INTS3: variants seen among roughly 807,000 people sequenced by gnomAD.
The protein encoded by INTS3 is SOSS complex subunit A.
In INTS3, 34 loss-of-function variants were observed where a neutral mutation model predicts 146.3. That is an observed-to-expected ratio of 0.23 (90% CI 0.18 to 0.31). INTS3 has a LOEUF of 0.31. Ranked by LOEUF, INTS3 falls within the 10% of genes least tolerant of loss-of-function variation. The pLI, the probability that INTS3 is intolerant of heterozygous loss-of-function variation, is 1.00. For synonymous variants in INTS3, 475 were observed against 494.9 expected, an observed-to-expected ratio of 0.96 and a Z score of 0.53; for missense variants, 757 against 1,304.2, an observed-to-expected ratio of 0.58 and a Z score of 6.46.
chr1:153,765,689 C>G (rs1672553404), intron 20 of INTS3, among the ~76,000 whole-genome samples: 2 of 152,082 alleles, frequency 1.3e-5, no homozygotes, highest in South Asian at 2.1e-4. Flanking sequence ...CCCACCTCAG[C>G]CTCCCAAGTA....
intron 9 of INTS3, among the ~76,000 whole-genome samples, chr1:153,756,445 G>T (rs1672164795): frequency 1.3e-5 from 2 of 150,630 alleles, no homozygotes; most frequent in Admixed American, 1.3e-4. Flanking sequence ...GTGGTGGGAG[G>T]ATTGCTTGAA....
intron 17 of INTS3, 60 bp from the exon 18 acceptor site, chr1:153,764,058 G>A (rs1417425969): frequency 7.0e-6 from 10 of 1,421,310 alleles, no homozygotes; most frequent in African/African-American, 1.4e-5. Flanking sequence ...GACTGGGATC[G>A]TGGGGGCAGG....
chr1:153,732,879 C>T (rs1337945007), intron 1 of INTS3, among the ~76,000 whole-genome samples: 2 of 151,456 alleles, frequency 1.3e-5, no homozygotes, highest in Non-Finnish European at 2.9e-5. Flanking sequence ...TCTCGGCTCA[C>T]TGCAACCTGC....
chr1:153,772,838 G>A lies in INTS3; in HGVS notation c.2895-87G>A. 1 of 1,594,236 alleles carries A rather than the reference G, an allele frequency of 6.3e-7. No individual in the cohort carries two copies. The highest frequency in any genetic ancestry group is 1.1e-5 in the South Asian group (1 of 90,376). ...GGGTCCAGGGTTGAAGAAAAAGAAG[G>A]CCTAGGCCTGGGGGCAGAGAAGAGG... On this transcript the variant is annotated intron_variant, in intron 28 of 29. Transcript: ENST00000318967. This position sits in a 1 kb window ranked among gnomAD's most constrained non-coding sequence, Gnocchi z 4.6.
At position 153,771,814 on chromosome 1, in the gene INTS3, G is replaced by A; in HGVS notation, c.2571G>A (p.Val857=). The A allele has an allele frequency of 6.2e-7, 1 of 1,613,152 alleles. No individual in the cohort carries two copies. Among genetic ancestry groups the A allele is most frequent in the Non-Finnish European group, 8.5e-7 (1 of 1,179,374 alleles). ...LRREKPSEEM[V]KMVLSRPCHP... is the part of the protein sequence containing the mutation. ...CCCCCAGGCCCAGCGAGGAGATGGTGAAGATGGTGCTGAGCCGGCCCTGCC... is the reference window on the plus strand; with the variant it reads ...CCCCCAGGCCCAGCGAGGAGATGGTAAAGATGGTGCTGAGCCGGCCCTGCC... The change falls in exon 26 of 30, where the codon GTG becomes GTA. Residue 857 remains valine (V), a synonymous_variant. Transcript: ENST00000318967.
Position 153,738,326 on chromosome 1 carries a change from C to T in INTS3, c.151-2325C>T, listed in dbSNP as rs189256499. Among the ~76,000 whole-genome samples, 501 of 152,244 alleles carry T rather than the reference C, an allele frequency of 3.3e-3. 2 individuals carry two copies. The highest frequency in any genetic ancestry group is 0.01 in the African/African-American group (424 of 41,544). On this transcript the variant is annotated intron_variant, in intron 1 of 29. Transcript: ENST00000318967. ...TATTGCCCAGGCTGGTCTCGAGCTCCTGGGCTCAAGCAGTCCTCCTGCCTC... is the reference window on the plus strand; with the variant it reads ...TATTGCCCAGGCTGGTCTCGAGCTCTTGGGCTCAAGCAGTCCTCCTGCCTC...
At chr1:153,735,888 G>A (rs1287942552) in intron 1 of INTS3, among the ~76,000 whole-genome samples, 1 of 152,072 alleles carries the variant, frequency 6.6e-6, no homozygotes, top group Non-Finnish European at 1.5e-5. Flanking sequence ...ATGCCTGGCT[G>A]ATTTATTTAG....
intron 10 of INTS3, 127 bp from the exon 11 acceptor site, chr1:153,759,399 T>G (rs1186465502): frequency 2.8e-6 from 2 of 724,970 alleles, no homozygotes; most frequent in Admixed American, 3.8e-5. Flanking sequence ...CATTTCACCG[T>G]GTTTCACTAG....
rs531969150 is a variant in INTS3, at chr1:153,745,439, A to G, written c.319-1518A>G. 3.9e-5 allele frequency among the ~76,000 whole-genome samples: 6 copies of G among 151,904 alleles called. No individual in the cohort carries two copies. The South Asian group carries it at 1.0e-3, about 26-fold the overall frequency. ...CCCAAATAGTGCTGGGATTACAAGC[A>G]TGAGCCACCATACCCGGCCCTTGCT... On this transcript the variant is annotated intron_variant, in intron 3 of 29. Coordinates refer to ENST00000318967, the MANE Select transcript of INTS3 (RefSeq NM_023015.5).
intron 25 of INTS3, 110 bp from the exon 26 acceptor site, chr1:153,771,686 G>T (rs1672875988): frequency 2.0e-6 from 2 of 1,008,188 alleles, no homozygotes; most frequent in East Asian, 2.4e-5. Flanking sequence ...AGAGGGATGT[G>T]AGAGTAGTGG....
At chr1:153,748,456 G>C in intron 5 of INTS3, 1 of 570,306 alleles carries the variant, frequency 1.8e-6, no homozygotes, top group Non-Finnish European at 3.2e-6. Context: ...CAATCTGTGG[G>C]AAAGTAGCAG....
In INTS3 at chr1:153,772,028, G is replaced by A; in HGVS notation, c.2720+65G>A. On this transcript the variant is annotated intron_variant, in intron 26 of 29. Transcript: ENST00000318967. This position sits in a 1 kb window ranked among gnomAD's most constrained non-coding sequence, Gnocchi z 4.6. ...TCTGCAGTGATTGCTGTCGGTGGTG[G>A]TGGTGGTGGTGGTGGTGGTGGTGAT... The A allele has an allele frequency of 1.5e-6, 2 of 1,364,184 alleles. No individual in the cohort carries two copies. The highest frequency in any genetic ancestry group is 2.0e-6 in the Non-Finnish European group (2 of 1,007,196). 84.5% of individuals were successfully genotyped at this position (1,364,184 alleles called of 1,614,324 possible). A position where few individuals can be genotyped will look rare whatever the true frequency, so the allele number is the denominator to read the frequency against.
At chr1:153,733,192 G>A (rs1023272895) in intron 1 of INTS3, among the ~76,000 whole-genome samples, 1 of 109,436 alleles carries the variant, frequency 9.1e-6, no homozygotes, top group African/African-American at 3.5e-5. Context: ...AGTATTTACC[G>A]AATGCTTTTT....
Position 153,772,769 on chromosome 1 carries a change from G to A in INTS3, c.2894+58G>A. The stretch of plus-strand genomic sequence containing the variant: ...TAGTAGGGGAAAAGCCTAAGGGAGA[G>A]GAAGCCTGCTAGGGACATAAACGTA... On this transcript the variant is annotated intron_variant, in intron 28 of 29. Transcript: ENST00000318967. The surrounding 1 kb of genome is among the most constrained non-coding windows in gnomAD (Gnocchi z 4.6). The A allele has an allele frequency of 6.3e-7, 1 of 1,597,020 alleles. No individual in the cohort carries two copies. Among genetic ancestry groups the A allele is most frequent in the Non-Finnish European group, 8.5e-7 (1 of 1,171,056 alleles).
chr1:153,731,812 C>T (rs908705599), intron 1 of INTS3, among the ~76,000 whole-genome samples: 12 of 151,266 alleles, frequency 7.9e-5, no homozygotes, highest in Admixed American at 5.9e-4. Context: ...GTCTCTATCT[C>T]CTGACCTCAT....
At chr1:153,770,451 C>T in intron 24 of INTS3, 140 bp downstream of exon 24, 3 of 713,204 alleles carry the variant, frequency 4.2e-6, no homozygotes, top group South Asian at 1.6e-5. Context: ...GGCAGGCTCT[C>T]TGTCAGCCAC....
Position 153,773,341 on chromosome 1 carries a change from G to C in INTS3, c.*71G>C. On this transcript the variant is annotated 3_prime_UTR_variant, in exon 30 of 30. Transcript: ENST00000318967. ...TCTTGGTGATTCAAAGGTTAATAGA[G>C]GCTGAGGAGATTGCAGGGGAAACAC... The C allele has an allele frequency of 7.2e-7, 1 of 1,394,562 alleles. No homozygotes were observed. Among genetic ancestry groups the C allele is most frequent in the Non-Finnish European group, 1.0e-6 (1 of 980,838 alleles). 86.4% of individuals were successfully genotyped at this position (1,394,562 alleles called of 1,614,324 possible). A position where few individuals can be genotyped will look rare whatever the true frequency, so the allele number is the denominator to read the frequency against.
chr1:153,752,919 T>TG, intron 8 of INTS3, among the ~76,000 whole-genome samples: 1 of 152,140 alleles, frequency 6.6e-6, no homozygotes, highest in African/African-American at 2.4e-5. Flanking sequence ...GACAAGGTCC[T>TG]TTTTATATCC....
At position 153,772,503 on chromosome 1, in the gene INTS3, A is replaced by G. The variant is rs1045310384; in HGVS notation, c.2821+63A>G. ...CTGCCCTGGCCCAGACTATGCCTGG[A>G]GCCAGGCTGGGGGCAGGGGCAGGAC... On this transcript the variant is annotated intron_variant, in intron 27 of 29. Coordinates refer to ENST00000318967, the MANE Select transcript of INTS3 (RefSeq NM_023015.5). The surrounding 1 kb of genome is among the most constrained non-coding windows in gnomAD (Gnocchi z 4.6). 6.2e-7 allele frequency: 1 copy of G among 1,613,390 alleles called. No homozygotes were observed. Among genetic ancestry groups the G allele is most frequent in the African/African-American group, 1.3e-5 (1 of 74,934 alleles).
Sources: gnomAD v4.1 joint callset for allele counts (sites outside exome capture counted in the v4.1 genomes callset) on GRCh38, gnomAD v4.1.1 for gene constraint, Gnocchi (gnomAD v3.1) non-coding constraint, MANE v1.5 for transcripts, NCBI Gene and HGNC (gene_info 2026-07-23, HGNC 2026-07-21) for gene names.